The following FAM120A variants were observed in gnomAD, a reference collection of about 807,000 sequenced individuals.
FAM120A encodes family with sequence similarity 120 member A.
Under a neutral mutation model 109.7 loss-of-function variants are expected in FAM120A, and 15 were observed. The ratio of observed to expected loss-of-function variants is 0.14; its 90% CI spans 0.09 to 0.21. FAM120A has a LOEUF of 0.21. FAM120A is among the 10% of genes least tolerant of loss of function. The pLI is 1.00. For synonymous variants in FAM120A, 493 were observed against 572.8 expected (o/e 0.86, Z 1.99); for missense variants, 899 against 1,439.3 (o/e 0.62, Z 6.07).
At position 93,529,448 on chromosome 9, in the gene FAM120A, G is replaced by A. The variant is rs780691067; in HGVS notation, c.1602G>A (p.Ser534=). 7.4e-6 allele frequency: 12 copies of A among 1,614,070 alleles called. No homozygotes were observed. The highest frequency in any genetic ancestry group is 6.7e-5 in the African/African-American group (5 of 74,926). The part of the protein sequence containing the change: ...GTVQPIPCLL[S]MPTRNHMDIT... ...TCCAGCCAATCCCGTGCCTCCTGTC[G>A]ATGCCCACCAGGAACCACATGGACA... The change falls in exon 9 of 18, where the codon TCG becomes TCA. Residue 534 remains serine (S), a synonymous_variant. Transcript: ENST00000277165.
chr9:93,501,157 T>G (rs904114268), intron 5 of FAM120A, among the ~76,000 whole-genome samples: 1 of 152,226 alleles, frequency 6.6e-6, no homozygotes, highest in Admixed American at 6.5e-5. Flanking sequence ...ACTGACATTG[T>G]GCTCCTGTGG....
At position 93,513,226 on chromosome 9, in the gene FAM120A, T is replaced by A. The variant is rs192739933; in HGVS notation, c.1031-2441T>A. On this transcript the variant is annotated intron_variant, in intron 5 of 17. Coordinates refer to ENST00000277165, the MANE Select transcript of FAM120A (RefSeq NM_014612.5). Reference sequence around the variant, plus strand: ...ATCACCTGTGAACAGTTTTTTAAAATAATAGCGACTTTGATCGCACACGTG... The same window carrying A: ...ATCACCTGTGAACAGTTTTTTAAAAAAATAGCGACTTTGATCGCACACGTG... Among the ~76,000 whole-genome samples the A allele has an allele frequency of 1.8e-3, 275 of 152,360 alleles. 1 individual carries two copies. Among genetic ancestry groups the A allele is most frequent in the Middle Eastern group, 3.4e-3 (1 of 294 alleles).
intron 5 of FAM120A, among the ~76,000 whole-genome samples, chr9:93,509,984 A>G (rs1185773447): frequency 2.0e-5 from 3 of 152,198 alleles, no homozygotes; most frequent in African/African-American, 4.8e-5. Flanking sequence ...GATGCGTCCT[A>G]GTTCATCTTG....
rs1861258734 is a variant in FAM120A, at chr9:93,529,839, G to C, written c.1734+259G>C. 6 of 557,018 alleles carry C rather than the reference G, an allele frequency of 1.1e-5. No homozygotes were observed. In the East Asian group the frequency reaches 1.8e-4, roughly 17 times the overall value. 34.5% of individuals were successfully genotyped at this position (557,018 alleles called of 1,614,324 possible). A position where few individuals can be genotyped will look rare whatever the true frequency, so the allele number is the denominator to read the frequency against. On this transcript the variant is annotated intron_variant, in intron 9 of 17. Coordinates refer to ENST00000277165, the MANE Select transcript of FAM120A (RefSeq NM_014612.5). Reference sequence around the variant, plus strand: ...TATTTTATACTTCTAATGAAATAATGCATCACATTATTTTATGACTTGTAA... The same window carrying C: ...TATTTTATACTTCTAATGAAATAATCCATCACATTATTTTATGACTTGTAA...
chr9:93,461,511 A>G (rs1302013894), intron 1 of FAM120A, among the ~76,000 whole-genome samples: 1 of 152,212 alleles, frequency 6.6e-6, no homozygotes, highest in African/African-American at 2.4e-5. Flanking sequence ...TTGGAATGGT[A>G]TTTTAATAAG....
chr9:93,504,856 A>T (rs1859961548), intron 5 of FAM120A, among the ~76,000 whole-genome samples: 1 of 151,968 alleles, frequency 6.6e-6, no homozygotes, highest in Non-Finnish European at 1.5e-5. Flanking sequence ...ACACCTATTT[A>T]TTCTCCTGGC....
intron 7 of FAM120A, among the ~76,000 whole-genome samples, chr9:93,516,485 A>G (rs1194011196): frequency 1.3e-5 from 2 of 152,152 alleles, no homozygotes. Context: ...AATCTGCACT[A>G]TCCCAGCCCC....
chr9:93,560,200 C>T (rs915553907), intron 15 of FAM120A, among the ~76,000 whole-genome samples: 2 of 151,736 alleles, frequency 1.3e-5, no homozygotes, highest in African/African-American at 2.4e-5. Context: ...GAGGCTGAGG[C>T]GGGAGGATCG....
Position 93,527,183 on chromosome 9 carries a change from G to C in FAM120A, c.1447G>C (p.Glu483Gln), listed in dbSNP as rs1441103028. The change falls in exon 8 of 18, where the codon GAG becomes CAG. Residue 483 changes from glutamate (E) to glutamine (Q), a missense_variant. This residue lies in a region of FAM120A where 57 missense variants were observed against 52.9 expected (regional missense o/e 1.08). Transcript: ENST00000277165. ...NHISGNKIGW[E>Q]KTGSHSEPQA... ...TATCAGCGGGAACAAGATTGGCTGG[G>C]AGAAGACGGGAAGCCACTCAGAGCC... 6.2e-7 allele frequency: 1 copy of C among 1,614,110 alleles called. No homozygotes were observed. Among genetic ancestry groups the C allele is most frequent in the Non-Finnish European group, 8.5e-7 (1 of 1,179,976 alleles).
chr9:93,538,324 A>G (rs1045487553), intron 10 of FAM120A, among the ~76,000 whole-genome samples: 1 of 152,134 alleles, frequency 6.6e-6, no homozygotes, highest in Non-Finnish European at 1.5e-5. Flanking sequence ...GAAGAACCCA[A>G]CCTGCTACCT....
chr9:93,467,531 A>T (rs987588192), intron 1 of FAM120A, among the ~76,000 whole-genome samples: 6 of 151,420 alleles, frequency 4.0e-5, no homozygotes, highest in Non-Finnish European at 7.4e-5. Flanking sequence ...CCTCCCCCCG[A>T]CCCTCTTTAC....
intron 3 of FAM120A, among the ~76,000 whole-genome samples, chr9:93,489,948 A>G (rs1859239815): frequency 6.6e-6 from 1 of 152,190 alleles, no homozygotes; most frequent in African/African-American, 2.4e-5. Flanking sequence ...CTTTGCCCAC[A>G]TTGGATGACC....
chr9:93,552,019 G>A (rs1172937886), intron 12 of FAM120A, among the ~76,000 whole-genome samples: 3 of 152,128 alleles, frequency 2.0e-5, no homozygotes, highest in East Asian at 1.9e-4. Context: ...CACCGTCTTC[G>A]TCACAGATTG....
Position 93,543,305 on chromosome 9 carries a change from A to G in FAM120A, c.1993A>G (p.Arg665Gly), listed in dbSNP as rs1861770185. 1 of 1,614,118 alleles carries G rather than the reference A, an allele frequency of 6.2e-7. No homozygotes were observed. Among genetic ancestry groups the G allele is most frequent in the Admixed American group, 1.7e-5 (1 of 60,004 alleles). Residue 665 changes from arginine (R) to glycine (G), a missense_variant, in exon 11 of 18, where the codon AGG (arginine) becomes GGG (glycine). Coordinates refer to ENST00000277165, the MANE Select transcript of FAM120A (RefSeq NM_014612.5). The part of the protein sequence containing the change: ...TPELVEALAF[R>G]EWTCPNLKRL... ...GGAACTGGTTGAAGCTCTTGCCTTC[A>G]GGGAGTGGACCTGCCCCAACCTGAA...
chr9:93,560,478 A>T (rs915585015), intron 15 of FAM120A, among the ~76,000 whole-genome samples: 2 of 152,224 alleles, frequency 1.3e-5, no homozygotes, highest in African/African-American at 4.8e-5. Flanking sequence ...TAACACCAAG[A>T]TGATAGTTGT....
chr9:93,505,336 A>G (rs553391859), intron 5 of FAM120A, among the ~76,000 whole-genome samples: 3 of 152,222 alleles, frequency 2.0e-5, no homozygotes, highest in African/African-American at 7.2e-5. Flanking sequence ...CTGGGATTAC[A>G]GGCGTGAGCC....
intron 3 of FAM120A, among the ~76,000 whole-genome samples, chr9:93,480,002 G>C (rs990156114): frequency 1.3e-5 from 2 of 152,168 alleles, no homozygotes; most frequent in Admixed American, 6.5e-5. Flanking sequence ...GCCAAATTCT[G>C]TTTTGTCCTG....
rs754059684 is a variant in FAM120A, at chr9:93,452,330, C to T, written c.415C>T (p.Leu139=). 6.2e-7 allele frequency: 1 copy of T among 1,612,994 alleles called. No homozygotes were observed. The highest frequency in any genetic ancestry group is 1.7e-4 in the Middle Eastern group (1 of 6,052). The part of the protein sequence containing the change: ...KGTPPPKVWF[L]PPVCMAHCIR... ...CACCCCGCCGCCAAAGGTCTGGTTC[C>T]TGCCGCCCGTCTGCATGGCCCACTG... The change falls in exon 1 of 18, where the codon CTG becomes TTG. Residue 139 remains leucine, a synonymous_variant. Coordinates refer to ENST00000277165, the MANE Select transcript of FAM120A (RefSeq NM_014612.5). This position sits in a 1 kb window ranked among gnomAD's most constrained non-coding sequence, Gnocchi z 7.0.
At chr9:93,562,385 C>T (rs868255849) in intron 17 of FAM120A, 81 bp downstream of exon 17, 19 of 1,032,718 alleles carry the variant, frequency 1.8e-5, no homozygotes, top group South Asian at 1.6e-4. Context: ...CTAGTACCTG[C>T]GCTCAGACAG....
Sources: gnomAD v4.1 joint callset for allele counts (sites outside exome capture counted in the v4.1 genomes callset) on GRCh38, gnomAD v4.1.1 for gene constraint, gnomAD v4.1.1 regional missense constraint, Gnocchi (gnomAD v3.1) non-coding constraint, MANE v1.5 for transcripts, NCBI Gene and HGNC (gene_info 2026-07-23, HGNC 2026-07-21) for gene names.